Variants in MTUS2 observed in about 807,000 individuals in gnomAD.
The protein encoded by MTUS2 is microtubule associated scaffold protein 2.
A neutral mutation model predicts 114.1 loss-of-function variants in MTUS2; 40 were observed. The ratio of observed to expected loss-of-function variants is 0.35; its 90% CI spans 0.27 to 0.46. MTUS2 has a LOEUF of 0.46. Among genes scored for constraint, MTUS2 ranks in the 20% least tolerant of loss-of-function variants. The pLI, the probability that MTUS2 is intolerant of heterozygous loss-of-function variation, is 1.00. For missense variants in MTUS2, 1,679 were observed against 1,705.4 expected (o/e 0.98, Z 0.27); for synonymous variants, 688 against 672.0 (o/e 1.02, Z -0.37).
intron 4 of MTUS2, among the ~76,000 whole-genome samples, chr13:29,050,146 C>T (rs1001106452): frequency 2.0e-5 from 3 of 152,174 alleles, no homozygotes; most frequent in African/African-American, 7.2e-5. Flanking sequence ...GCCCCAGATT[C>T]AAGAGCCTGG....
chr13:28,992,639 C>G (rs577934892), intron 2 of MTUS2, among the ~76,000 whole-genome samples: 2 of 152,320 alleles, frequency 1.3e-5, no homozygotes, highest in South Asian at 4.1e-4. Flanking sequence ...TTATGCCTGA[C>G]CATTTCTAAG....
At chr13:29,451,096 A>T (rs1878655223) in intron 9 of MTUS2, among the ~76,000 whole-genome samples, 1 of 152,200 alleles carries the variant, frequency 6.6e-6, no homozygotes, top group South Asian at 2.1e-4. Flanking sequence ...ACTTGACCTT[A>T]CTGACGTTAC....
intron 4 of MTUS2, among the ~76,000 whole-genome samples, chr13:29,059,693 G>C (rs1289151814): frequency 1.3e-5 from 2 of 152,226 alleles, no homozygotes; most frequent in Non-Finnish European, 2.9e-5. Flanking sequence ...TAGCAGTCAT[G>C]GCTTGCCTGG....
chr13:29,014,188 G>C (rs1047673727), intron 2 of MTUS2, among the ~76,000 whole-genome samples: 1 of 152,212 alleles, frequency 6.6e-6, no homozygotes, highest in East Asian at 1.9e-4. Context: ...GCAGACTGGG[G>C]CTGAGGAGCC....
chr13:29,460,468 G>T (rs76974272), intron 9 of MTUS2, among the ~76,000 whole-genome samples: 2,181 of 152,226 alleles, frequency 0.014, 49 homozygotes, highest in African/African-American at 0.05. Context: ...CTCCTGACAG[G>T]CTGGGCATTC....
chr13:29,232,859 T>G (rs1178538215), intron 5 of MTUS2, among the ~76,000 whole-genome samples: 2 of 152,236 alleles, frequency 1.3e-5, no homozygotes, highest in Admixed American at 1.3e-4. Flanking sequence ...TATTAAACGT[T>G]GTGGGAGTGA....
At chr13:28,883,760 C>T (rs1878430212) in intron 2 of MTUS2, among the ~76,000 whole-genome samples, 1 of 152,066 alleles carries the variant, frequency 6.6e-6, no homozygotes. Flanking sequence ...AACATGTTAT[C>T]AGATTGCACT....
At chr13:29,492,101 GTGTA>G (rs753258623) in intron 11 of MTUS2, among the ~76,000 whole-genome samples, 4 of 143,420 alleles carry the variant, frequency 2.8e-5, no homozygotes, top group Non-Finnish European at 6.0e-5. Flanking sequence ...CGTGGTAGGT[GTGTA>G]TGTGTGTGGT....
At chr13:29,103,031 G>C (rs1364260706) in intron 5 of MTUS2, among the ~76,000 whole-genome samples, 1 of 152,158 alleles carries the variant, frequency 6.6e-6, no homozygotes, top group Non-Finnish European at 1.5e-5. Context: ...CATGGAAACA[G>C]CCAATGTGGT....
rs886505371 is a variant in MTUS2, at chr13:29,324,637, A to G, written c.2831A>G (p.Asp944Gly). The change falls in exon 7 of 16, where the codon GAT becomes GGT. Residue 944 changes from aspartate to glycine, a missense_variant. Physicochemically the swap from Asp to Gly is moderately conservative, Grantham distance 94. Around this residue, in one of 3 missense-constraint regions of MTUS2, gnomAD observed 822 missense variants for 899.7 expected, o/e 0.91. Coordinates refer to ENST00000612955, the MANE Select transcript of MTUS2 (RefSeq NM_001033602.4). ...GGAACAAAGAAAGATGCTCAGAAAG[A>G]TCAAGATACGAATAAACCTGCTGTT... is the stretch of plus-strand genomic sequence containing the variant. ...PAGTKKDAQK[D>G]QDTNKPAVSS... The G allele has an allele frequency of 1.4e-5, 23 of 1,591,516 alleles. No individual in the cohort carries two copies. Among genetic ancestry groups the G allele is most frequent in the Middle Eastern group, 1.7e-4 (1 of 6,030 alleles).
At chr13:29,237,795 C>A (rs1283388026) in intron 5 of MTUS2, among the ~76,000 whole-genome samples, 1 of 152,098 alleles carries the variant, frequency 6.6e-6, no homozygotes, top group Non-Finnish European at 1.5e-5. Context: ...AAACGGCCAA[C>A]AAGTATATGA....
At chr13:29,166,696 T>C (rs533905138) in intron 5 of MTUS2, among the ~76,000 whole-genome samples, 2 of 152,358 alleles carry the variant, frequency 1.3e-5, no homozygotes, top group African/African-American at 4.8e-5. Context: ...ATCAACACAA[T>C]ACATCTTTTT....
chr13:29,364,774 A>G (rs1870563756), intron 8 of MTUS2, among the ~76,000 whole-genome samples: 1 of 152,248 alleles, frequency 6.6e-6, no homozygotes. Flanking sequence ...CTCTCAGAGC[A>G]GTAATTATAC....
chr13:29,068,425 C>T (rs973462445), intron 4 of MTUS2, among the ~76,000 whole-genome samples: 1 of 150,432 alleles, frequency 6.6e-6, no homozygotes, highest in African/African-American at 2.5e-5. Flanking sequence ...GTGTGAAGCA[C>T]AGGTGTAATA....
At chr13:28,840,048 C>T (rs1875368796) in intron 2 of MTUS2, among the ~76,000 whole-genome samples, 198 bp downstream of exon 2, 1 of 144,486 alleles carries the variant, frequency 6.9e-6, no homozygotes, top group Non-Finnish European at 1.5e-5. Flanking sequence ...TTTTTTAAAG[C>T]TGTGAGGAAT....
At chr13:29,218,417 A>T (rs1895769806) in intron 5 of MTUS2, among the ~76,000 whole-genome samples, 1 of 152,104 alleles carries the variant, frequency 6.6e-6, no homozygotes, top group South Asian at 2.1e-4. Flanking sequence ...TTTCTTTCAA[A>T]CTGCTGTTAA....
rs986790414 is a variant in MTUS2, at chr13:29,439,455, T to G, written c.3118-528T>G. On this transcript the variant is annotated intron_variant, in intron 8 of 15. Coordinates refer to ENST00000612955, the MANE Select transcript of MTUS2 (RefSeq NM_001033602.4). ...AACTTGGAAACCTTAAATATTGTTG[T>G]TGGTGGTATTACAAAGAGAAATGTT... Among the ~76,000 whole-genome samples the G allele has an allele frequency of 2.6e-5, 4 of 152,218 alleles. No individual in the cohort carries two copies. The East Asian group carries it at 5.8e-4, about 22-fold the overall frequency.
chr13:29,034,408 T>G (rs1886968956), intron 4 of MTUS2, among the ~76,000 whole-genome samples: 1 of 152,222 alleles, frequency 6.6e-6, no homozygotes, highest in Admixed American at 6.5e-5. Flanking sequence ...AGAAGTTGTT[T>G]TCTGTCAAGG....
At chr13:28,867,717 G>C (rs1197333108) in intron 2 of MTUS2, among the ~76,000 whole-genome samples, 1 of 152,152 alleles carries the variant, frequency 6.6e-6, no homozygotes, top group Admixed American at 6.5e-5. Context: ...CATGAGTCTA[G>C]GCAGTGTGAC....
Sources: allele counts gnomAD v4.1 joint callset (sites outside exome capture counted in the v4.1 genomes callset), GRCh38; gene constraint gnomAD v4.1.1; regional missense constraint gnomAD v4.1.1; transcripts MANE v1.5; gene names NCBI Gene and HGNC (gene_info 2026-07-23, HGNC 2026-07-21).